Variants in KLHL25 observed in about 807,000 individuals in gnomAD.
KLHL25 encodes the protein kelch-like protein 25.
KLHL25 carries 41 observed loss-of-function variants against 30.0 expected under a neutral mutation model. The observed-to-expected ratio is 1.37, with a 90% CI of 1.07 to 1.78. KLHL25 has a LOEUF of 1.78. Ranked by LOEUF, KLHL25 falls within the 40% of genes most tolerant of loss-of-function variation. KLHL25 has a pLI of 0.00. For synonymous variants in KLHL25, 399 were observed against 355.3 expected (o/e 1.12, Z -1.38); for missense variants, 971 against 824.5 (o/e 1.18, Z -2.18).
intron 1 of KLHL25, among the ~76,000 whole-genome samples, chr15:85,794,435 G>C (rs1377706748): frequency 6.6e-6 from 1 of 152,260 alleles, no homozygotes; most frequent in Admixed American, 6.5e-5. Flanking sequence ...TTAAAAAAAA[G>C]AGTCTGCGGA....
intron 1 of KLHL25, among the ~76,000 whole-genome samples, chr15:85,788,420 T>C (rs2089795078): frequency 1.3e-5 from 2 of 152,196 alleles, no homozygotes; most frequent in Admixed American, 1.3e-4. Flanking sequence ...TGTCAGTCTG[T>C]TGTCTGCCTC....
chr15:85,765,397 G>A (rs559101501), intron 2 of KLHL25, among the ~76,000 whole-genome samples: 2 of 151,970 alleles, frequency 1.3e-5, no homozygotes, highest in Admixed American at 6.6e-5. Flanking sequence ...AGGCCGAGGC[G>A]GGTGGATCAC....
At chr15:85,794,554 G>A (rs1327440898) in intron 1 of KLHL25, among the ~76,000 whole-genome samples, 1 of 152,148 alleles carries the variant, frequency 6.6e-6, no homozygotes, top group Admixed American at 6.5e-5. Context: ...ATTCCCTCGC[G>A]GAGCCGCGGG....
At chr15:85,788,875 C>G (rs1439741887) in intron 1 of KLHL25, among the ~76,000 whole-genome samples, 1 of 152,202 alleles carries the variant, frequency 6.6e-6, no homozygotes, top group Non-Finnish European at 1.5e-5. Context: ...GCCCAGCTGG[C>G]TAGGGTGCAG....
chr15:85,779,166 A>G (rs1326139602), intron 1 of KLHL25, among the ~76,000 whole-genome samples: 1 of 152,044 alleles, frequency 6.6e-6, no homozygotes, highest in Non-Finnish European at 1.5e-5. Flanking sequence ...AGATAGATGC[A>G]GCCATGGATG....
At chr15:85,781,414 G>C (rs2089742308) in intron 1 of KLHL25, among the ~76,000 whole-genome samples, 1 of 152,176 alleles carries the variant, frequency 6.6e-6, no homozygotes, top group South Asian at 2.1e-4. Context: ...TGACCTTGTG[G>C]ACTCTCCACC....
At chr15:85,794,295 C>T (rs1243130229) in intron 1 of KLHL25, among the ~76,000 whole-genome samples, 3 of 152,254 alleles carry the variant, frequency 2.0e-5, no homozygotes, top group African/African-American at 7.2e-5. Flanking sequence ...AAACCCTCCC[C>T]TTGTGAACCC....
chr15:85,779,385 A>C (rs2089730024), intron 1 of KLHL25, among the ~76,000 whole-genome samples: 1 of 152,196 alleles, frequency 6.6e-6, no homozygotes, highest in South Asian at 2.1e-4. Flanking sequence ...GGATGGGGAC[A>C]CACAGCTTAG....
chr15:85,777,311 G>T (rs1439539677), intron 1 of KLHL25, among the ~76,000 whole-genome samples: 1 of 152,214 alleles, frequency 6.6e-6, no homozygotes, highest in Non-Finnish European at 1.5e-5. Flanking sequence ...AGTGCATACA[G>T]TGAGACCACC....
chr15:85,778,054 C>A (rs985366816), intron 1 of KLHL25, among the ~76,000 whole-genome samples: 2 of 152,230 alleles, frequency 1.3e-5, no homozygotes, highest in Admixed American at 6.5e-5. Context: ...AGCAGCTGTA[C>A]AGGAGAAAGA....
At chr15:85,791,058 A>C (rs563317653) in intron 1 of KLHL25, among the ~76,000 whole-genome samples, 1 of 151,892 alleles carries the variant, frequency 6.6e-6, no homozygotes. Flanking sequence ...AAAGCCGAGC[A>C]TGGTGGCGGG....
chr15:85,769,643 G>A lies in KLHL25; in HGVS notation c.168C>T (p.Ala56=), dbSNP rs749074454. ...TDVTLWAGDR[A]FPCHRAVLAA... The stretch of plus-strand genomic sequence containing the variant: ...CCAGCACGGCACGGTGACAGGGGAA[G>A]GCACGGTCGCCCGCCCAGAGTGTGA... Residue 56 remains alanine, a synonymous_variant, in exon 2 of 3, where the codon GCC becomes GCT. Transcript: ENST00000337975. The A allele has an allele frequency of 5.0e-6, 8 of 1,613,592 alleles. No individual in the cohort carries two copies. Among genetic ancestry groups the A allele is most frequent in the South Asian group, 2.2e-5 (2 of 91,088 alleles).
At chr15:85,777,321 C>T (rs1177825668) in intron 1 of KLHL25, among the ~76,000 whole-genome samples, 1 of 152,244 alleles carries the variant, frequency 6.6e-6, no homozygotes, top group Non-Finnish European at 1.5e-5. Context: ...GTGAGACCAC[C>T]TGGCTTCACC....
intron 1 of KLHL25, among the ~76,000 whole-genome samples, chr15:85,770,748 G>A (rs988615618): frequency 1.3e-5 from 2 of 152,178 alleles, no homozygotes; most frequent in East Asian, 1.9e-4. Context: ...CTGACGCCAG[G>A]ATCCTGGGCC....
At chr15:85,786,705 C>A (rs1048080185) in intron 1 of KLHL25, among the ~76,000 whole-genome samples, 1 of 152,244 alleles carries the variant, frequency 6.6e-6, no homozygotes, top group African/African-American at 2.4e-5. Context: ...ACACCTCCCA[C>A]CTAAGGCCAG....
chr15:85,787,472 A>G (rs999061844), intron 1 of KLHL25, among the ~76,000 whole-genome samples: 2 of 152,226 alleles, frequency 1.3e-5, no homozygotes, highest in African/African-American at 4.8e-5. Flanking sequence ...GAGTCTGTAG[A>G]GAAATGGGCA....
rs762184771 is a variant in KLHL25 at position 85,769,223 on chromosome 15, G to A, written c.588C>T (p.Leu196=). 7.4e-6 allele frequency: 12 copies of A among 1,613,686 alleles called. No individual in the cohort carries two copies. Among genetic ancestry groups the A allele is most frequent in the Admixed American group, 1.7e-5 (1 of 59,986 alleles). ...CGGTCTCCAGCTCATCACTCGAGATGAGGTCCAGCAGTGTGTCCTTGGACA... is the reference window on the plus strand; with the variant it reads ...CGGTCTCCAGCTCATCACTCGAGATAAGGTCCAGCAGTGTGTCCTTGGACA... ...NSLSKDTLLD[L]ISSDELETED... The change falls in exon 2 of 3, where the codon CTC becomes CTT. Residue 196 remains leucine (L), a synonymous_variant. Transcript: ENST00000337975.
intron 1 of KLHL25, among the ~76,000 whole-genome samples, chr15:85,791,186 C>T (rs2089813978): frequency 1.9e-5 from 2 of 102,800 alleles, no homozygotes; most frequent in Admixed American, 1.1e-4. Context: ...CAAGGTAAGA[C>T]TCAGTCTCAA....
intron 1 of KLHL25, among the ~76,000 whole-genome samples, chr15:85,791,972 G>T (rs1278616455): frequency 6.6e-6 from 1 of 152,208 alleles, no homozygotes; most frequent in Non-Finnish European, 1.5e-5. Flanking sequence ...AAACCCCTTC[G>T]CTTCCCCACC....
Sources: allele counts gnomAD v4.1 joint callset (sites outside exome capture counted in the v4.1 genomes callset), GRCh38; gene constraint gnomAD v4.1.1; transcripts MANE v1.5; gene names NCBI Gene and HGNC (gene_info 2026-07-23, HGNC 2026-07-21).